The following WLS variants were observed in gnomAD, a reference collection of about 807,000 sequenced individuals.
WLS encodes the protein Wnt ligand secretion mediator.
In WLS, 23 loss-of-function variants were observed where a neutral mutation model predicts 62.8. That is an observed-to-expected ratio of 0.37 (90% CI 0.26 to 0.52). The LOEUF (loss-of-function observed/expected upper bound fraction) is 0.52. WLS is among the 20% of genes least tolerant of loss of function. The pLI is 0.92. For missense variants in WLS, 615 were observed against 697.3 expected, an observed-to-expected ratio of 0.88 and a Z score of 1.33; for synonymous variants, 246 against 244.1, an observed-to-expected ratio of 1.01 and a Z score of -0.07.
chr1:68,223,961 G>C lies in WLS; in HGVS notation c.106+8233C>G, dbSNP rs549288366. Among the ~76,000 whole-genome samples the C allele has an allele frequency of 3.3e-5, 5 of 152,340 alleles. No homozygotes were observed. The East Asian group carries it at 9.6e-4, about 29-fold the overall frequency. Reference sequence around the variant, plus strand: ...TAAACTAGGTCTGAAGAAAAACTGAGTCAACCATTTACAGACTTATTATCT... The same window carrying C: ...TAAACTAGGTCTGAAGAAAAACTGACTCAACCATTTACAGACTTATTATCT... On this transcript the variant is annotated intron_variant, in intron 1 of 11. Coordinates refer to ENST00000262348, the MANE Select transcript of WLS (RefSeq NM_024911.7).
intron 11 of WLS, among the ~76,000 whole-genome samples, chr1:68,110,713 GT>G (rs1646217308): frequency 7.0e-6 from 1 of 143,778 alleles, no homozygotes; most frequent in Non-Finnish European, 1.5e-5. Flanking sequence ...GTGTGTGTAT[GT>G]GTATGTATAT....
At chr1:68,142,832 G>A (rs1646703776) in intron 10 of WLS, 1 of 152,180 alleles carries the variant, frequency 6.6e-6, no homozygotes, top group South Asian at 2.1e-4. Context: ...CCTCTTGGGT[G>A]TCCTTGGATA....
chr1:68,212,329 C>T (rs1032898142), intron 1 of WLS, among the ~76,000 whole-genome samples: 1 of 152,182 alleles, frequency 6.6e-6, no homozygotes, highest in Non-Finnish European at 1.5e-5. Context: ...CAATGCCAGC[C>T]CTTATGGGTA....
intron 1 of WLS, among the ~76,000 whole-genome samples, chr1:68,213,217 G>A (rs1649586062): frequency 6.6e-6 from 1 of 152,018 alleles, no homozygotes; most frequent in South Asian, 2.1e-4. Flanking sequence ...TTGGGAGGCC[G>A]AGGCAGGTGG....
chr1:68,132,889 C>T (rs1313843398), intron 11 of WLS, among the ~76,000 whole-genome samples: 6 of 152,166 alleles, frequency 3.9e-5, no homozygotes, highest in Non-Finnish European at 8.8e-5. Flanking sequence ...TTCATGTGTG[C>T]AGGGCTTTGC....
chr1:68,176,042 C>T (rs1028260340), intron 2 of WLS, among the ~76,000 whole-genome samples: 1 of 152,160 alleles, frequency 6.6e-6, no homozygotes, highest in African/African-American at 2.4e-5. Context: ...ACCTTTTCTT[C>T]GTTCCCATGA....
chr1:68,148,750 G>A lies in WLS; in HGVS notation c.973-90C>T, dbSNP rs116776255. On this transcript the variant is annotated intron_variant, in intron 6 of 11. Transcript: ENST00000262348. Reference sequence around the variant, plus strand: ...AGTCAGCATTCGAAGGACACTTGCCGACCACCTATTGTGTATCAAGCACTA... The same window carrying A: ...AGTCAGCATTCGAAGGACACTTGCCAACCACCTATTGTGTATCAAGCACTA... 2.7e-4 allele frequency: 308 copies of A among 1,161,994 alleles called. No individual in the cohort carries two copies. The African/African-American group carries it at 4.3e-3, about 16-fold the overall frequency. The allele number at this position is 1,161,994 out of a possible 1,614,324, so 72.0% of individuals were successfully genotyped here. A position where few individuals can be genotyped will look rare whatever the true frequency, so the allele number is the denominator to read the frequency against.
At chr1:68,229,886 A>G (rs1650332656) in intron 1 of WLS, among the ~76,000 whole-genome samples, 1 of 152,216 alleles carries the variant, frequency 6.6e-6, no homozygotes, top group Non-Finnish European at 1.5e-5. Flanking sequence ...TTTCAAGGAA[A>G]TTGGAATAAA....
chr1:68,134,219 G>A (rs559463978), intron 11 of WLS, among the ~76,000 whole-genome samples: 24 of 152,250 alleles, frequency 1.6e-4, no homozygotes, highest in Non-Finnish European at 3.2e-4. Flanking sequence ...CTTGGCAAAT[G>A]CTCCGTAATT....
chr1:68,232,081 A>T, intron 1 of WLS, 113 bp downstream of exon 1: 1 of 1,406,050 alleles, frequency 7.1e-7, no homozygotes. Flanking sequence ...TAGCCGGACT[A>T]ATTAGATCAT....
At chr1:68,139,783 G>A (rs572278278) in intron 10 of WLS, among the ~76,000 whole-genome samples, 10 of 152,340 alleles carry the variant, frequency 6.6e-5, no homozygotes, top group South Asian at 6.2e-4. Flanking sequence ...TAAAGTACAG[G>A]TATGTGTAGG....
At position 68,148,158 on chromosome 1, in the gene WLS, G is replaced by C; in HGVS notation, c.1112C>G (p.Thr371Arg). The C allele has an allele frequency of 6.2e-7, 1 of 1,614,214 alleles. No individual in the cohort carries two copies. Among genetic ancestry groups the C allele is most frequent in the Non-Finnish European group, 8.5e-7 (1 of 1,180,044 alleles). The change falls in exon 8 of 12, where the codon ACA becomes AGA. Residue 371 changes from threonine to arginine, a missense_variant. By Grantham distance (71) the Thr-to-Arg change is moderately conservative. Coordinates refer to ENST00000262348, the MANE Select transcript of WLS (RefSeq NM_024911.7). ...TACGGCCAGCTCTGTTCCAATGTCTGTAGTCCAGATACTGTAGAAGGGATT... is the reference window on the plus strand; with the variant it reads ...TACGGCCAGCTCTGTTCCAATGTCTCTAGTCCAGATACTGTAGAAGGGATT... ...LTNPFYSIWTTDIGTELAMAF... is the reference protein window; with the variant it reads ...LTNPFYSIWTRDIGTELAMAF...
chr1:68,154,049 G>A (rs563029109), intron 4 of WLS, among the ~76,000 whole-genome samples: 4 of 152,232 alleles, frequency 2.6e-5, no homozygotes, highest in African/African-American at 7.2e-5. Flanking sequence ...ACACTTTAGA[G>A]GTACGGATTA....
chr1:68,129,855 G>T (rs1433969446), intron 11 of WLS, among the ~76,000 whole-genome samples: 1 of 152,172 alleles, frequency 6.6e-6, no homozygotes, highest in Non-Finnish European at 1.5e-5. Context: ...TATGTGTCTT[G>T]GGGTGAAAAA....
chr1:68,133,000 A>C lies in WLS; in HGVS notation c.1516+4780T>G, dbSNP rs1646549289. On this transcript the variant is annotated intron_variant, in intron 11 of 11. Coordinates refer to ENST00000262348, the MANE Select transcript of WLS (RefSeq NM_024911.7). ...TGGGAAGACATCCAGAATGATTCACAAATTGGTTATGGCAACAGGTAAAAA... is the reference window on the plus strand; with the variant it reads ...TGGGAAGACATCCAGAATGATTCACCAATTGGTTATGGCAACAGGTAAAAA... Among the ~76,000 whole-genome samples, 3 of 151,970 alleles carry C rather than the reference A, an allele frequency of 2.0e-5. No homozygotes were observed. In the South Asian group the frequency reaches 6.2e-4, roughly 32 times the overall value.
At chr1:68,193,097 G>C (rs200807741) in intron 2 of WLS, among the ~76,000 whole-genome samples, 111 of 150,494 alleles carry the variant, frequency 7.4e-4, no homozygotes, top group African/African-American at 2.6e-3. Flanking sequence ...CAACAAGAGC[G>C]AAACTCTGTT....
chr1:68,125,660 C>G lies in WLS; in HGVS notation c.*566G>C. The G allele has an allele frequency of 1.0e-6, 1 of 985,520 alleles. No homozygotes were observed. 61.0% of individuals were successfully genotyped at this position (985,520 alleles called of 1,614,324 possible). A position where few individuals can be genotyped will look rare whatever the true frequency, so the allele number is the denominator to read the frequency against. On this transcript the variant is annotated 3_prime_UTR_variant, in exon 12 of 12. Coordinates refer to ENST00000262348, the MANE Select transcript of WLS (RefSeq NM_024911.7). The stretch of plus-strand genomic sequence containing the variant: ...GTGGAATAAATCTTCTCATGAAATT[C>G]AGTTATATTATGCCACAAAACAGGG...
intron 1 of WLS, among the ~76,000 whole-genome samples, chr1:68,219,144 CT>C (rs766083784): frequency 8.5e-5 from 13 of 152,198 alleles, no homozygotes; most frequent in Non-Finnish European, 1.5e-4. Flanking sequence ...AATATATATA[CT>C]TCTGTGTGTT....
intron 2 of WLS, 85 bp downstream of exon 2, chr1:68,193,870 T>C: frequency 6.6e-7 from 1 of 1,515,262 alleles, no homozygotes; most frequent in South Asian, 1.3e-5. Context: ...TTACCATTTT[T>C]ACTTTTATTA....
Sources: allele counts gnomAD v4.1 joint callset (sites outside exome capture counted in the v4.1 genomes callset), GRCh38; gene constraint gnomAD v4.1.1; transcripts MANE v1.5; gene names NCBI Gene and HGNC (gene_info 2026-07-23, HGNC 2026-07-21).